The following DOCK4 variants were observed in gnomAD, a reference collection of about 807,000 sequenced individuals.
The protein encoded by DOCK4 is dedicator of cytokinesis 4.
Under a neutral mutation model 268.1 loss-of-function variants are expected in DOCK4, and 97 were observed. That is an observed-to-expected ratio of 0.36 (90% CI 0.31 to 0.43). The LOEUF (loss-of-function observed/expected upper bound fraction) is 0.43, where lower values mean the gene tolerates loss of function less well. DOCK4 is among the 20% of genes least tolerant of loss of function. DOCK4 has a pLI of 1.00. For missense variants in DOCK4, 2,145 were observed against 2,455.7 expected (o/e 0.87, Z 2.67); for synonymous variants, 954 against 887.2 (o/e 1.08, Z -1.34).
chr7:112,182,721 A>C (rs1401184650), intron 1 of DOCK4, among the ~76,000 whole-genome samples: 2 of 152,248 alleles, frequency 1.3e-5, no homozygotes, highest in Non-Finnish European at 2.9e-5. Context: ...AGCAGGTCAA[A>C]CTGAAGTCAG....
At chr7:111,747,544 G>T in intron 42 of DOCK4, 101 bp from the exon 43 acceptor site, 1 of 1,193,820 alleles carries the variant, frequency 8.4e-7, no homozygotes, top group Non-Finnish European at 1.1e-6. Flanking sequence ...CTCCCCCTTG[G>T]CTTCCATCAA....
intron 1 of DOCK4, among the ~76,000 whole-genome samples, chr7:112,165,534 GT>G (rs1817524018): frequency 1.5e-5 from 1 of 66,720 alleles, no homozygotes; most frequent in African/African-American, 7.5e-5. Flanking sequence ...GTGTGTGTGT[GT>G]GTGTGTGTGT....
chr7:111,963,421 T>C (rs1418522444), intron 8 of DOCK4, among the ~76,000 whole-genome samples: 2 of 123,298 alleles, frequency 1.6e-5, no homozygotes, highest in Non-Finnish European at 3.2e-5. Context: ...GGGAGTTCCC[T>C]TTCTGAGTCA....
intron 1 of DOCK4, among the ~76,000 whole-genome samples, chr7:112,124,087 C>T (rs541504151): frequency 1.3e-5 from 2 of 151,694 alleles, no homozygotes; most frequent in South Asian, 2.1e-4. Flanking sequence ...TGCAGTGGAG[C>T]GATCATCATT....
rs775635116 is a variant in DOCK4 at position 111,809,318 on chromosome 7, C to A, written c.3090G>T (p.Lys1030Asn). The A allele has an allele frequency of 1.3e-4, 207 of 1,559,594 alleles. No individual in the cohort carries two copies. Among genetic ancestry groups the A allele is most frequent in the Non-Finnish European group, 1.7e-4 (197 of 1,150,308 alleles). ...ATACTTACTTTTCTAACACCTTTTT[C>A]TTCTTGGAAGGTGTGAACATCTCCA... ...LQLEMFTPSK[K>N]KKVLEKYGDM... The change falls in exon 29 of 53, where the codon AAG becomes AAT. Residue 1030 changes from lysine (K) to asparagine (N), a missense_variant. Lys to Asn is a moderately conservative substitution (Grantham distance 94). Coordinates refer to ENST00000428084, the MANE Select transcript of DOCK4 (RefSeq NM_001363540.2).
chr7:111,931,496 A>G (rs78263057), intron 12 of DOCK4, among the ~76,000 whole-genome samples: 2,426 of 152,306 alleles, frequency 0.016, 26 homozygotes, highest in Middle Eastern at 0.068. Context: ...GAACTGCCCA[A>G]GGAAACAGAA....
intron 23 of DOCK4, among the ~76,000 whole-genome samples, chr7:111,848,452 G>A (rs974338905): frequency 6.6e-6 from 1 of 152,110 alleles, no homozygotes; most frequent in Non-Finnish European, 1.5e-5. Context: ...TCATTATGCA[G>A]CCATTCCTGT....
At chr7:111,891,788 AG>A (rs1808307908) in intron 16 of DOCK4, among the ~76,000 whole-genome samples, 1 of 152,226 alleles carries the variant, frequency 6.6e-6, no homozygotes, top group African/African-American at 2.4e-5. Context: ...ATAGGCAAAA[AG>A]GTTTCAAATT....
intron 20 of DOCK4, among the ~76,000 whole-genome samples, chr7:111,870,780 G>C (rs945926334): frequency 6.6e-6 from 1 of 152,158 alleles, no homozygotes; most frequent in East Asian, 1.9e-4. Flanking sequence ...GATTCCACAA[G>C]CCTTATTTGT....
intron 24 of DOCK4, among the ~76,000 whole-genome samples, chr7:111,845,106 C>T (rs1047226728): frequency 3.3e-5 from 5 of 152,100 alleles, no homozygotes; most frequent in East Asian, 1.9e-4. Flanking sequence ...ACCTGAGATA[C>T]AAGTAAAAAG....
At chr7:112,185,989 C>G (rs1260213415) in intron 1 of DOCK4, among the ~76,000 whole-genome samples, 1 of 152,242 alleles carries the variant, frequency 6.6e-6, no homozygotes, top group Non-Finnish European at 1.5e-5. Flanking sequence ...GGAAGCACAC[C>G]ATCCTTGGCT....
At chr7:111,944,150 C>A (rs1239519974) in intron 10 of DOCK4, among the ~76,000 whole-genome samples, 1 of 152,154 alleles carries the variant, frequency 6.6e-6, no homozygotes, top group Admixed American at 6.5e-5. Context: ...CTTCACTGAG[C>A]AAGTTCATCA....
chr7:112,066,516 A>G (rs572633350), intron 1 of DOCK4, among the ~76,000 whole-genome samples: 1 of 144,070 alleles, frequency 6.9e-6, no homozygotes, highest in Non-Finnish European at 1.5e-5. Flanking sequence ...CTCTCTCTAT[A>G]TATATACACA....
intron 25 of DOCK4, among the ~76,000 whole-genome samples, chr7:111,839,485 A>C (rs1803502594): frequency 6.6e-6 from 1 of 152,256 alleles, no homozygotes; most frequent in Non-Finnish European, 1.5e-5. Context: ...TAGTAGTAAC[A>C]AGAAATATTA....
intron 1 of DOCK4, among the ~76,000 whole-genome samples, chr7:112,077,152 A>G (rs1042946321): frequency 3.9e-5 from 6 of 152,106 alleles, no homozygotes; most frequent in African/African-American, 1.4e-4. Flanking sequence ...AAAACCCTAA[A>G]GCAGTACACT....
intron 31 of DOCK4, 41 bp downstream of exon 31, chr7:111,790,416 C>T: frequency 6.2e-7 from 1 of 1,602,906 alleles, no homozygotes; most frequent in South Asian, 1.1e-5. Context: ...TTCAGGAGAG[C>T]TGAAACTCTT....
intron 4 of DOCK4, among the ~76,000 whole-genome samples, chr7:111,996,294 G>T (rs1366193439): frequency 1.3e-5 from 2 of 152,166 alleles, no homozygotes; most frequent in Non-Finnish European, 2.9e-5. Context: ...AAATTTTTAA[G>T]CATAAAATTG....
chr7:111,960,926 C>A (rs1441955509), intron 8 of DOCK4, among the ~76,000 whole-genome samples: 1 of 152,154 alleles, frequency 6.6e-6, no homozygotes, highest in Non-Finnish European at 1.5e-5. Context: ...ATCCATTCAT[C>A]TGTTGATGGA....
intron 28 of DOCK4, among the ~76,000 whole-genome samples, chr7:111,809,858 A>C (rs1800955879): frequency 6.6e-6 from 1 of 152,362 alleles, no homozygotes; most frequent in Non-Finnish European, 1.5e-5. Context: ...ACACTTCTTC[A>C]GATATGCTAA....
Sources: allele counts gnomAD v4.1 joint callset (sites outside exome capture counted in the v4.1 genomes callset), GRCh38; gene constraint gnomAD v4.1.1; transcripts MANE v1.5; gene names NCBI Gene and HGNC (gene_info 2026-07-23, HGNC 2026-07-21).